Variants in TBX3 observed in about 807,000 individuals in gnomAD.
The protein encoded by TBX3 is T-box transcription factor TBX3.
Under a neutral mutation model 47.8 loss-of-function variants are expected in TBX3, and 11 were observed. The ratio of observed to expected loss-of-function variants is 0.23; its 90% CI spans 0.14 to 0.38. TBX3 has a LOEUF of 0.38. Ranked by LOEUF, TBX3 falls within the 10% of genes least tolerant of loss-of-function variation. The pLI, the probability that TBX3 is intolerant of heterozygous loss-of-function variation, is 1.00. For synonymous variants in TBX3, 500 were observed against 449.3 expected, an observed-to-expected ratio of 1.11 and a Z score of -1.43; for missense variants, 927 against 1,022.8, an observed-to-expected ratio of 0.91 and a Z score of 1.28.
intron 4 of TBX3, among the ~76,000 whole-genome samples, 178 bp from the exon 5 acceptor site, chr12:114,676,648 CT>C (rs1424389564): frequency 6.6e-6 from 1 of 152,346 alleles, no homozygotes; most frequent in Admixed American, 6.5e-5. Context: ...AAGCTTTGTC[CT>C]TGACCCTCTA....
Position 114,674,306 on chromosome 12 carries a change from C to T in TBX3, c.1569G>A (p.Leu523=). The change falls in exon 6 of 7, where the codon CTG becomes CTA. Residue 523 remains leucine (L), a synonymous_variant. Transcript: ENST00000349155. ...CGGTGGAGGCCCCAGAAACCGTGGC[C>T]AGGAGGGGACCCATGCCAGCGGCCG... ...SMAAAGMGPL[L]ATVSGASTGV... 6.3e-7 allele frequency: 1 copy of T among 1,577,596 alleles called. No individual in the cohort carries two copies. The highest frequency in any genetic ancestry group is 8.6e-7 in the Non-Finnish European group (1 of 1,161,960).
At chr12:114,679,694 T>G (rs779084510) in intron 2 of TBX3, 43 bp from the exon 3 acceptor site, 2 of 1,613,784 alleles carry the variant, frequency 1.2e-6, no homozygotes, top group Middle Eastern at 3.3e-4. Flanking sequence ...AACAAGGATT[T>G]AGCAGAACAA....
chr12:114,676,476 G>C lies in TBX3; in HGVS notation c.882-6C>G, dbSNP rs778325515. The C allele has an allele frequency of 5.0e-6, 8 of 1,614,088 alleles. No individual in the cohort carries two copies. Among genetic ancestry groups the C allele is most frequent in the Non-Finnish European group, 5.9e-6 (7 of 1,180,042 alleles). ...ACTGCAGGGTGAGCTGTTTTCTGTG[G>C]CAGAAGCCCACACCCAGGTTACAGA... On this transcript the variant is annotated splice_region_variant and splice_polypyrimidine_tract_variant and intron_variant, in intron 4 of 6. Transcript: ENST00000349155.
Position 114,683,731 on chromosome 12 carries a change from C to T in TBX3, c.-531G>A. ...CCCTCTTTCTCGCTGGTGGCGTCTG[C>T]AGCTGTGCTAGACCCGGCTTTAACA... On this transcript the variant is annotated 5_prime_UTR_variant, in exon 1 of 7. Coordinates refer to ENST00000349155, the MANE Select transcript of TBX3 (RefSeq NM_005996.4). This position sits in a 1 kb window ranked among gnomAD's most constrained non-coding sequence, Gnocchi z 7.7. 4.3e-6 allele frequency: 1 copy of T among 231,574 alleles called. No homozygotes were observed. The highest frequency in any genetic ancestry group is 8.5e-6 in the Non-Finnish European group (1 of 117,274). 14.3% of individuals were successfully genotyped at this position (231,574 alleles called of 1,614,324 possible).
intron 1 of TBX3, 43 bp from the exon 2 acceptor site, chr12:114,681,189 C>T (rs1868911616): frequency 1.9e-6 from 3 of 1,610,754 alleles, no homozygotes; most frequent in African/African-American, 1.3e-5. Flanking sequence ...AGATAAACCA[C>T]CCGTAATCTT....
At chr12:114,682,775 C>T (rs1258764376) in intron 1 of TBX3, 37 bp downstream of exon 1, 2 of 1,614,084 alleles carry the variant, frequency 1.2e-6, no homozygotes, top group Non-Finnish European at 1.7e-6. Flanking sequence ...GGAAAAAACT[C>T]TCCAACAGCT....
At chr12:114,675,301 A>G (rs1868657694) in intron 5 of TBX3, among the ~76,000 whole-genome samples, 2 of 152,214 alleles carry the variant, frequency 1.3e-5, no homozygotes, top group Non-Finnish European at 2.9e-5. Context: ...CACCTTCCAC[A>G]AATTTGTGAA....
chr12:114,679,798 A>G (rs1053471906), intron 2 of TBX3, 147 bp from the exon 3 acceptor site: 1 of 1,526,040 alleles, frequency 6.6e-7, no homozygotes, highest in Non-Finnish European at 9.1e-7. Context: ...CCCCCTGGGT[A>G]CGTTTCGCTC....
In TBX3 at chr12:114,683,772, GAA is replaced by G. The variant is rs1869062060; in HGVS notation, c.-574_-573del. 1 of 225,760 alleles carries G rather than the reference GAA, an allele frequency of 4.4e-6. No individual in the cohort carries two copies. Among genetic ancestry groups the G allele is most frequent in the African/African-American group, 2.3e-5 (1 of 43,206 alleles). The allele number at this position is 225,760 out of a possible 1,614,324, so 14.0% of individuals were successfully genotyped here. A position where few individuals can be genotyped will look rare whatever the true frequency, so the allele number is the denominator to read the frequency against. On this transcript the variant is annotated 5_prime_UTR_variant, in exon 1 of 7. Transcript: ENST00000349155. The surrounding 1 kb of genome is among the most constrained non-coding windows in gnomAD (Gnocchi z 7.7). ...GGCTTTAACAGGGAGCGAGAGAGCG[GAA>G]AAAGTCTCTCTCCTTTAAAAAAAAA...
At chr12:114,680,667 G>A (rs145726841) in intron 2 of TBX3, 196 of 702,786 alleles carry the variant, frequency 2.8e-4, no homozygotes, top group Middle Eastern at 8.1e-4. Context: ...AACACAAGCC[G>A]GTAAGTTTTC....
In TBX3 at chr12:114,674,564, C is replaced by A. The variant is rs759328763; in HGVS notation, c.1311G>T (p.Pro437=). ...TGGCCGGCGCTGTGCCCTCGCGAAC[C>A]GGGCTCCTGCGCTCCTCCGCGCCCA... is the stretch of plus-strand genomic sequence containing the variant. ...RGLGAEERRS[P]VREGTAPAKV... The change falls in exon 6 of 7, where the codon CCG becomes CCT. Residue 437 remains proline, a synonymous_variant. Coordinates refer to ENST00000349155, the MANE Select transcript of TBX3 (RefSeq NM_005996.4). 14 of 1,568,864 alleles carry A rather than the reference C, an allele frequency of 8.9e-6. No homozygotes were observed. The highest frequency in any genetic ancestry group is 3.4e-4 in the Middle Eastern group (2 of 5,970).
In TBX3 at chr12:114,671,868, C is replaced by A. The variant is rs142609038; in HGVS notation, c.2145G>T (p.Pro715=). ...QRLVSGLEAK[P]DRSRSASP is the part of the protein sequence containing the mutation. ...ACGGGGACGCGCTGCGGGACCTGTC[C>A]GGCTTGGCTTCCAAGCCGCTAACCA... Residue 715 remains proline, a synonymous_variant, in exon 7 of 7, where the codon CCG becomes CCT. Transcript: ENST00000349155. 8.7e-5 allele frequency: 135 copies of A among 1,560,170 alleles called. No individual in the cohort carries two copies. In the African/African-American group the frequency reaches 1.5e-3, roughly 17 times the overall value.
At chr12:114,680,617 C>T (rs1408209210) in intron 2 of TBX3, 1 of 578,074 alleles carries the variant, frequency 1.7e-6, no homozygotes, top group Non-Finnish European at 3.1e-6. Flanking sequence ...TAACTTCACT[C>T]TCAGGTCAGG....
chr12:114,677,113 T>G (rs991996134), intron 4 of TBX3, among the ~76,000 whole-genome samples: 1 of 152,208 alleles, frequency 6.6e-6, no homozygotes, highest in African/African-American at 2.4e-5. Flanking sequence ...CTCTTTCATA[T>G]ACTCTCCAGC....
intron 1 of TBX3, among the ~76,000 whole-genome samples, chr12:114,681,853 A>G (rs1868942175): frequency 6.6e-6 from 1 of 152,216 alleles, no homozygotes; most frequent in South Asian, 2.1e-4. Context: ...TGTAGTCTTG[A>G]CTTAAAAGGA....
Position 114,671,973 on chromosome 12 carries a change from G to C in TBX3, c.2040C>G (p.Ser680=), listed in dbSNP as rs778820576. Residue 680 remains serine, a synonymous_variant, in exon 7 of 7, where the codon TCC becomes TCG. Transcript: ENST00000349155. ...SELNSRSSTL[S]SSSMSLSPKL... ...TGGGCGACAAGGACATGGAGCTGGA[G>C]GAGAGCGTGGAGGAGCGGCTGTTGA... 2.5e-6 allele frequency: 4 copies of C among 1,601,590 alleles called. No individual in the cohort carries two copies. The highest frequency in any genetic ancestry group is 2.6e-6 in the Non-Finnish European group (3 of 1,174,182).
rs370512823 is a variant in TBX3, at chr12:114,683,144, C to A, written c.57G>T (p.Pro19=). ...VIPGTSMAYH[P]FLPHRAPDFA... ...AGTCCGGCGCCCGGTGAGGTAGGAA[C>A]GGATGGTAGGCCATGCTTGTCCCAG... Residue 19 remains proline, a synonymous_variant, in exon 1 of 7, where the codon CCG becomes CCT. Transcript: ENST00000349155. The surrounding 1 kb of genome is among the most constrained non-coding windows in gnomAD (Gnocchi z 7.7). 3 of 1,612,650 alleles carry A rather than the reference C, an allele frequency of 1.9e-6. No homozygotes were observed. Among genetic ancestry groups the A allele is most frequent in the Middle Eastern group, 1.7e-4 (1 of 5,952 alleles).
chr12:114,680,271 T>C (rs1193104973), intron 2 of TBX3: 1 of 441,360 alleles, frequency 2.3e-6, no homozygotes. Flanking sequence ...CTTTGCCTGA[T>C]ATCTACAAGC....
rs1361584265 is a variant in TBX3, at chr12:114,683,446, A to T, written c.-246T>A. 2 of 548,968 alleles carry T rather than the reference A, an allele frequency of 3.6e-6. No homozygotes were observed. The highest frequency in any genetic ancestry group is 5.3e-5 in the South Asian group (2 of 37,738). 34.0% of individuals were successfully genotyped at this position (548,968 alleles called of 1,614,324 possible). A position where few individuals can be genotyped will look rare whatever the true frequency, so the allele number is the denominator to read the frequency against. The stretch of plus-strand genomic sequence containing the variant: ...AGGGCAAGGCGAAAAATCAGCAAAC[A>T]TAGTCGCGCGGGTGACCGTCCTTGT... On this transcript the variant is annotated 5_prime_UTR_variant, in exon 1 of 7. An upstream start codon of the reference 5' UTR is lost. Coordinates refer to ENST00000349155, the MANE Select transcript of TBX3 (RefSeq NM_005996.4). The surrounding 1 kb of genome is among the most constrained non-coding windows in gnomAD (Gnocchi z 7.7).
Sources: allele counts gnomAD v4.1 joint callset (sites outside exome capture counted in the v4.1 genomes callset), GRCh38; gene constraint gnomAD v4.1.1; non-coding constraint Gnocchi (gnomAD v3.1); transcripts MANE v1.5; gene names NCBI Gene and HGNC (gene_info 2026-07-23, HGNC 2026-07-21).